RSBN1L: variants seen among roughly 807,000 people sequenced by gnomAD.
The protein encoded by RSBN1L is lysine-specific demethylase RSBN1L.
In RSBN1L, 30 loss-of-function variants were observed where a neutral mutation model predicts 67.7. That is an observed-to-expected ratio of 0.44 (90% confidence interval 0.33 to 0.60). The LOEUF (loss-of-function observed/expected upper bound fraction) is 0.60. Ranked by LOEUF, RSBN1L falls within the 20% of genes least tolerant of loss-of-function variation. The pLI is 0.02. For missense variants in RSBN1L, 992 were observed against 1,031.7 expected (o/e 0.96, Z 0.53); for synonymous variants, 433 against 387.0 (o/e 1.12, Z -1.39).
At position 77,705,510 on chromosome 7, in the gene RSBN1L, G is replaced by GTTTTTTTT. The variant is rs56187940; in HGVS notation, c.586+8467_586+8474dup. 1.2e-3 allele frequency among the ~76,000 whole-genome samples: 138 copies of GTTTTTTTT among 111,458 alleles called. 1 individual carries two copies. The highest frequency in any genetic ancestry group is 3.4e-3 in the African/African-American group (90 of 26,102). 73.1% of individuals were successfully genotyped at this position (111,458 alleles called of 152,430 possible). Reference sequence around the variant, plus strand: ...ACCACTAGGTCTCTCCATTGTAATGGTTTTTTTTTTTTTTTTTTTGTGATG... The same window carrying GTTTTTTTT: ...ACCACTAGGTCTCTCCATTGTAATGGTTTTTTTTTTTTTTTTTTTTTTTTTTTGTGATG... On this transcript the variant is annotated intron_variant, in intron 1 of 7. Coordinates refer to ENST00000334955, the MANE Select transcript of RSBN1L (RefSeq NM_198467.3).
At chr7:77,776,557 G>A (rs919762751) in intron 6 of RSBN1L, among the ~76,000 whole-genome samples, 1 of 152,170 alleles carries the variant, frequency 6.6e-6, no homozygotes, top group Non-Finnish European at 1.5e-5. Context: ...CTTTCACTTA[G>A]CGTAGTGTTT....
chr7:77,708,670 C>G (rs12539121), intron 1 of RSBN1L, among the ~76,000 whole-genome samples: 2,820 of 152,218 alleles, frequency 0.019, 39 homozygotes, highest in Middle Eastern at 0.072. Context: ...GCGTGAGCCA[C>G]CGCGCCCAGC....
Position 77,773,237 on chromosome 7 carries a change from A to C in RSBN1L, c.1716A>C (p.Ala572=). The C allele has an allele frequency of 4.3e-6, 7 of 1,613,594 alleles. No homozygotes were observed. Among genetic ancestry groups the C allele is most frequent in the Non-Finnish European group, 5.9e-6 (7 of 1,179,670 alleles). ...MLFEDRTRAH[A]DHIGQGFERQ... The stretch of plus-strand genomic sequence containing the variant: ...TTGAAGACAGGACAAGAGCTCATGC[A>C]GATCATATAGGACAAGGTTTTGAAC... Residue 572 remains alanine, a synonymous_variant, in exon 6 of 8, where the codon GCA becomes GCC. Transcript: ENST00000334955.
intron 1 of RSBN1L, among the ~76,000 whole-genome samples, chr7:77,721,766 C>T (rs980915398): frequency 2.6e-5 from 4 of 152,060 alleles, no homozygotes; most frequent in African/African-American, 7.2e-5. Context: ...TCTTGAATGA[C>T]ATATTATGGG....
chr7:77,755,523 G>A (rs1290428786), intron 3 of RSBN1L, among the ~76,000 whole-genome samples: 1 of 151,998 alleles, frequency 6.6e-6, no homozygotes, highest in Non-Finnish European at 1.5e-5. Context: ...AAAATTAGCT[G>A]GGCATGGTGG....
At chr7:77,776,737 T>C (rs1196754662) in intron 6 of RSBN1L, among the ~76,000 whole-genome samples, 2 of 152,182 alleles carry the variant, frequency 1.3e-5, no homozygotes, top group Non-Finnish European at 2.9e-5. Flanking sequence ...CTTCTTCTTA[T>C]TTGTATTTAC....
At chr7:77,702,010 C>G (rs966715932) in intron 1 of RSBN1L, among the ~76,000 whole-genome samples, 1 of 151,246 alleles carries the variant, frequency 6.6e-6, no homozygotes. Flanking sequence ...GTACTGTCGC[C>G]CAGGCTGGAG....
intron 1 of RSBN1L, among the ~76,000 whole-genome samples, chr7:77,707,895 A>G (rs1273372129): frequency 6.6e-6 from 1 of 152,194 alleles, no homozygotes; most frequent in Non-Finnish European, 1.5e-5. Context: ...AGCACTTTAC[A>G]TATACTGTGG....
chr7:77,735,477 T>C (rs1412648544), intron 1 of RSBN1L, among the ~76,000 whole-genome samples: 1 of 152,182 alleles, frequency 6.6e-6, no homozygotes, highest in East Asian at 1.9e-4. Context: ...AGTGCTTATA[T>C]AGACAGTAAT....
intron 1 of RSBN1L, among the ~76,000 whole-genome samples, chr7:77,725,871 A>G (rs1028031166): frequency 6.6e-6 from 1 of 152,180 alleles, no homozygotes; most frequent in Admixed American, 6.5e-5. Flanking sequence ...GGCAAGAGCC[A>G]CTGCGCCTGG....
At position 77,704,923 on chromosome 7, in the gene RSBN1L, G is replaced by A. The variant is rs549598403; in HGVS notation, c.586+7868G>A. 7.1e-4 allele frequency among the ~76,000 whole-genome samples: 108 copies of A among 152,026 alleles called. No homozygotes were observed. In the South Asian group the frequency reaches 7.5e-3, roughly 11 times the overall value. ...GGAGGTGGAGGTTGCAGTGAGCCAA[G>A]ATGGCACCATTGCACTTGACCCTGG... On this transcript the variant is annotated intron_variant, in intron 1 of 7. Coordinates refer to ENST00000334955, the MANE Select transcript of RSBN1L (RefSeq NM_198467.3).
At chr7:77,773,524 G>A (rs1791874166) in intron 6 of RSBN1L, 3 of 330,466 alleles carry the variant, frequency 9.1e-6, no homozygotes, top group Non-Finnish European at 1.6e-5. Context: ...CAGCACTTTG[G>A]GAGGCCGAGG....
chr7:77,720,511 A>G (rs1791100760), intron 1 of RSBN1L, among the ~76,000 whole-genome samples: 1 of 152,110 alleles, frequency 6.6e-6, no homozygotes. Context: ...GTGAGCTGAG[A>G]TCGTGCCATT....
At chr7:77,727,527 AAGAC>A (rs747184444) in intron 1 of RSBN1L, among the ~76,000 whole-genome samples, 2 of 152,118 alleles carry the variant, frequency 1.3e-5, no homozygotes, top group Non-Finnish European at 2.9e-5. Context: ...TATTTTTTTC[AAGAC>A]AGACTCGCTT....
intron 1 of RSBN1L, among the ~76,000 whole-genome samples, chr7:77,725,666 C>T (rs1316792437): frequency 2.6e-5 from 4 of 151,498 alleles, no homozygotes; most frequent in South Asian, 2.1e-4. Context: ...GATGGAGTTT[C>T]GCCCTTGTTG....
chr7:77,756,318 A>T (rs1791616666), intron 3 of RSBN1L, among the ~76,000 whole-genome samples: 1 of 151,984 alleles, frequency 6.6e-6, no homozygotes, highest in Non-Finnish European at 1.5e-5. Context: ...TTTTCAGTAG[A>T]GATGGGGTTT....
At chr7:77,746,740 G>T (rs926824445) in intron 2 of RSBN1L, among the ~76,000 whole-genome samples, 9 of 152,162 alleles carry the variant, frequency 5.9e-5, no homozygotes, top group Non-Finnish European at 8.8e-5. Context: ...CAACATAGAG[G>T]GGGGTGGGTA....
intron 2 of RSBN1L, among the ~76,000 whole-genome samples, chr7:77,746,694 A>G (rs555951217): frequency 6.6e-6 from 1 of 152,298 alleles, no homozygotes; most frequent in Admixed American, 6.5e-5. Context: ...TCTTTCACCT[A>G]TGAGCGTATA....
At chr7:77,759,317 T>C (rs534819543) in intron 3 of RSBN1L, among the ~76,000 whole-genome samples, 84 of 152,342 alleles carry the variant, frequency 5.5e-4, no homozygotes, top group African/African-American at 1.9e-3. Flanking sequence ...GATGCTCTAA[T>C]AATAATCAAA....
Sources: gnomAD v4.1 joint callset for allele counts (sites outside exome capture counted in the v4.1 genomes callset) on GRCh38, gnomAD v4.1.1 for gene constraint, MANE v1.5 for transcripts, NCBI Gene and HGNC (gene_info 2026-07-23, HGNC 2026-07-21) for gene names.